MCMBP: variants seen among roughly 807,000 people sequenced by gnomAD.
MCMBP encodes minichromosome maintenance complex binding protein.
MCMBP carries 31 observed loss-of-function variants against 81.3 expected under a neutral mutation model. The ratio of observed to expected loss-of-function variants is 0.38; its 90% CI spans 0.29 to 0.51. The LOEUF is 0.51. Ranked by LOEUF, MCMBP falls within the 20% of genes least tolerant of loss-of-function variation. The pLI, the probability that MCMBP is intolerant of heterozygous loss-of-function variation, is 0.87. For missense variants in MCMBP, 645 were observed against 772.1 expected, an observed-to-expected ratio of 0.84 and a Z score of 1.95; for synonymous variants, 267 against 275.9, an observed-to-expected ratio of 0.97 and a Z score of 0.32.
At chr10:119,842,824 G>A (rs1316460092) in intron 9 of MCMBP, 1 of 426,450 alleles carries the variant, frequency 2.3e-6, no homozygotes, top group Non-Finnish European at 4.3e-6. Context: ...GAGTGCAATG[G>A]TGCCATCTCA....
chr10:119,862,376 A>G (rs779088095), intron 1 of MCMBP, among the ~76,000 whole-genome samples: 4 of 152,144 alleles, frequency 2.6e-5, no homozygotes, highest in Non-Finnish European at 5.9e-5. Context: ...TCCAGACTCC[A>G]TGTGTGTCCT....
At chr10:119,846,820 G>A (rs774410331) in intron 8 of MCMBP, among the ~76,000 whole-genome samples, 25 of 152,038 alleles carry the variant, frequency 1.6e-4, no homozygotes, top group Non-Finnish European at 3.5e-4. Flanking sequence ...ACCAGGAAGC[G>A]GGCCCTCACT....
intron 1 of MCMBP, among the ~76,000 whole-genome samples, chr10:119,871,250 T>A (rs1441609586): frequency 6.6e-6 from 1 of 152,218 alleles, no homozygotes; most frequent in African/African-American, 2.4e-5. Flanking sequence ...CCATCGATTA[T>A]CATTTCTAGA....
chr10:119,836,751 G>C lies in MCMBP; in HGVS notation c.1542+145C>G, dbSNP rs538107386. On this transcript the variant is annotated intron_variant, in intron 13 of 15. Transcript: ENST00000369077. Reference sequence around the variant, plus strand: ...TACTCAATTCCCTTAATGATCAGCAGTCACAGTTTTTTTTTTTTTTTTTTT... The same window carrying C: ...TACTCAATTCCCTTAATGATCAGCACTCACAGTTTTTTTTTTTTTTTTTTT... 63 of 681,272 alleles carry C rather than the reference G, an allele frequency of 9.2e-5. 1 individual carries two copies. The African/African-American group carries it at 1.2e-3, about 13-fold the overall frequency. 42.2% of individuals were successfully genotyped at this position (681,272 alleles called of 1,614,324 possible).
rs1288730394 is a variant in MCMBP, at chr10:119,830,739, CCTTTT to C, written c.*730_*734del. ...CTTATTCAGAGATAGATTGTCCTTTCCTTTTATGAAAAAAATGGTGATAATACAGT... is the reference window on the plus strand; with the variant it reads ...CTTATTCAGAGATAGATTGTCCTTTCATGAAAAAAATGGTGATAATACAGT... On this transcript the variant is annotated 3_prime_UTR_variant, in exon 16 of 16. Coordinates refer to ENST00000369077, the MANE Select transcript of MCMBP (RefSeq NM_001256378.2). The C allele has an allele frequency of 1.3e-5, 2 of 152,450 alleles. No homozygotes were observed. The highest frequency in any genetic ancestry group is 4.8e-5 in the African/African-American group (2 of 41,388). The allele number at this position is 152,450 out of a possible 1,614,324, so 9.4% of individuals were successfully genotyped here. A position where few individuals can be genotyped will look rare whatever the true frequency, so the allele number is the denominator to read the frequency against.
Position 119,849,391 on chromosome 10 carries a change from A to G in MCMBP, c.726+34T>C, listed in dbSNP as rs764491826. 1.9e-6 allele frequency: 3 copies of G among 1,587,596 alleles called. No individual in the cohort carries two copies. In the African/African-American group the frequency reaches 4.1e-5, roughly 22 times the overall value. ...TAAGCTACTTTCTGAGACACATAACATTTCAGTGTTGGATCTACGAAAGGT... is the reference window on the plus strand; with the variant it reads ...TAAGCTACTTTCTGAGACACATAACGTTTCAGTGTTGGATCTACGAAAGGT... On this transcript the variant is annotated intron_variant, in intron 7 of 15. Transcript: ENST00000369077.
chr10:119,831,091 C>T lies in MCMBP; in HGVS notation c.*383G>A, dbSNP rs1589769705. On this transcript the variant is annotated 3_prime_UTR_variant, in exon 16 of 16. Coordinates refer to ENST00000369077, the MANE Select transcript of MCMBP (RefSeq NM_001256378.2). ...ACTAGAAAACATAAGAAATCCGAAG[C>T]ACGATTCCTCTGACTTTGAAACTGC... is the stretch of plus-strand genomic sequence containing the variant. The T allele has an allele frequency of 1.3e-5, 2 of 156,652 alleles. No homozygotes were observed. The highest frequency in any genetic ancestry group is 2.8e-5 in the Non-Finnish European group (2 of 71,332). The allele number at this position is 156,652 out of a possible 1,614,324, so 9.7% of individuals were successfully genotyped here.
At chr10:119,841,112 G>A (rs111454926) in intron 10 of MCMBP, 152 bp from the exon 11 acceptor site, 10,431 of 628,794 alleles carry the variant, frequency 0.017, 124 homozygotes, top group Middle Eastern at 0.052. Context: ...AGCAATAAAA[G>A]TAATAGCCAA....
rs775477339 is a variant in MCMBP at position 119,858,880 on chromosome 10, A to T, written c.327+4T>A. ...AATGTTTCATATATATTAAAGATAC[A>T]TACCCCACACTCTGCTACATCTCTA... On this transcript the variant is annotated splice_donor_region_variant and intron_variant, in intron 4 of 15. Coordinates refer to ENST00000369077, the MANE Select transcript of MCMBP (RefSeq NM_001256378.2). 1 of 1,600,476 alleles carries T rather than the reference A, an allele frequency of 6.2e-7. No homozygotes were observed. Among genetic ancestry groups the T allele is most frequent in the Admixed American group, 1.7e-5 (1 of 58,316 alleles).
intron 1 of MCMBP, among the ~76,000 whole-genome samples, chr10:119,870,879 CACA>C (rs1853646960): frequency 6.6e-6 from 1 of 152,096 alleles, no homozygotes; most frequent in African/African-American, 2.4e-5. Context: ...CTCAGGTTCC[CACA>C]ACAATCCACA....
rs764749342 is a variant in MCMBP, at chr10:119,857,434, T to A, written c.333A>T (p.Gln111His). Residue 111 changes from glutamine (Q) to histidine (H), a missense_variant, in exon 5 of 16, where the codon CAA becomes CAT. Physicochemically the swap from Gln to His is conservative, Grantham distance 24. Coordinates refer to ENST00000369077, the MANE Select transcript of MCMBP (RefSeq NM_001256378.2). ...GTGGAGAGTTTAAATCAAGTTCTTG[T>A]TGAGGCTGTGATATACATAAAAAGT... Reference protein sequence around the residue: ...KYRDVAECGPQQELDLNSPRN... With the variant: ...KYRDVAECGPHQELDLNSPRN... 9 of 1,604,696 alleles carry A rather than the reference T, an allele frequency of 5.6e-6. No individual in the cohort carries two copies. The South Asian group carries it at 7.8e-5, about 14-fold the overall frequency.
At chr10:119,850,958 C>T (rs1056721167) in intron 6 of MCMBP, among the ~76,000 whole-genome samples, 1 of 148,656 alleles carries the variant, frequency 6.7e-6, no homozygotes, top group Non-Finnish European at 1.5e-5. Context: ...CTGCAACCTT[C>T]GCCTCCCGGG....
At chr10:119,837,070 T>G (rs1156815289) in intron 12 of MCMBP, 41 bp from the exon 13 acceptor site, 2 of 1,597,426 alleles carry the variant, frequency 1.3e-6, no homozygotes. Flanking sequence ...TTGACTTTAA[T>G]CATCTAAACA....
chr10:119,861,525 A>C (rs1853254181), intron 1 of MCMBP, among the ~76,000 whole-genome samples: 1 of 152,134 alleles, frequency 6.6e-6, no homozygotes, highest in Non-Finnish European at 1.5e-5. Flanking sequence ...TACTAGATAC[A>C]GTGAATTGGG....
chr10:119,832,812 C>CG (rs1852094240), intron 14 of MCMBP, among the ~76,000 whole-genome samples: 1 of 152,226 alleles, frequency 6.6e-6, no homozygotes, highest in South Asian at 2.1e-4. Context: ...TACCAATCAC[C>CG]TTAGCTACCT....
intron 1 of MCMBP, among the ~76,000 whole-genome samples, chr10:119,870,280 C>G (rs748087786): frequency 2.0e-4 from 30 of 152,078 alleles, no homozygotes; most frequent in East Asian, 3.9e-4. Flanking sequence ...AACCCCGTCT[C>G]TACTAAAAAT....
chr10:119,853,891 T>C (rs1852925526), intron 5 of MCMBP, among the ~76,000 whole-genome samples: 1 of 152,254 alleles, frequency 6.6e-6, no homozygotes, highest in East Asian at 1.9e-4. Context: ...CAACAAGGGC[T>C]GTTCTACACC....
Position 119,849,486 on chromosome 10 carries a change from G to A in MCMBP, c.665C>T (p.Ser222Phe). The change falls in exon 7 of 16, where the codon TCT becomes TTT. Residue 222 changes from serine (S) to phenylalanine (F), a missense_variant. Transcript: ENST00000369077. ...TGGAAAATTCAAATCAAAAGGAGAA[G>A]ACAAGTTCAGAGAGTTCAGCTGTTG... ...TGQQLNSLNL[S>F]SPFDLNFPLP... 6.2e-7 allele frequency: 1 copy of A among 1,611,738 alleles called. No homozygotes were observed. The highest frequency in any genetic ancestry group is 8.5e-7 in the Non-Finnish European group (1 of 1,179,312).
At chr10:119,833,039 A>G (rs974775037) in intron 14 of MCMBP, among the ~76,000 whole-genome samples, 4 of 152,198 alleles carry the variant, frequency 2.6e-5, no homozygotes, top group South Asian at 4.1e-4. Flanking sequence ...AGGCTTGTAA[A>G]TTGCATGGCT....
Sources: gnomAD v4.1 joint callset for allele counts (sites outside exome capture counted in the v4.1 genomes callset) on GRCh38, gnomAD v4.1.1 for gene constraint, MANE v1.5 for transcripts, NCBI Gene and HGNC (gene_info 2026-07-23, HGNC 2026-07-21) for gene names.